The following ZCCHC7 variants were observed in gnomAD, a reference collection of about 807,000 sequenced individuals.
ZCCHC7 encodes the protein zinc finger CCHC domain-containing protein 7.
In ZCCHC7, 35 loss-of-function variants were observed where a neutral mutation model predicts 52.0. That is an observed-to-expected ratio of 0.67 (90% CI 0.51 to 0.89). ZCCHC7 has a LOEUF of 0.89. ZCCHC7 is among the 40% of genes least tolerant of loss of function. The pLI, the probability that ZCCHC7 is intolerant of heterozygous loss-of-function variation, is 0.00. For synonymous variants in ZCCHC7, 217 were observed against 221.5 expected (o/e 0.98, Z 0.18); for missense variants, 574 against 649.1 (o/e 0.88, Z 1.26).
chr9:37,217,684 C>T (rs1824583338), intron 2 of ZCCHC7, among the ~76,000 whole-genome samples: 1 of 151,942 alleles, frequency 6.6e-6, no homozygotes, highest in African/African-American at 2.4e-5. Flanking sequence ...CTAATTTTTC[C>T]CAATTATTGC....
At chr9:37,193,669 C>T (rs1330170054) in intron 2 of ZCCHC7, among the ~76,000 whole-genome samples, 1 of 151,842 alleles carries the variant, frequency 6.6e-6, no homozygotes, top group East Asian at 1.9e-4. Context: ...GTTGGATTTT[C>T]TGCTGTTTCA....
intron 5 of ZCCHC7, chr9:37,327,051 T>C (rs1830271673): frequency 6.6e-6 from 1 of 152,108 alleles, no homozygotes; most frequent in South Asian, 2.1e-4. Flanking sequence ...AGAAGATTTA[T>C]ATATGTGTTC....
chr9:37,167,835 G>A (rs1821509255), intron 2 of ZCCHC7, among the ~76,000 whole-genome samples: 1 of 152,132 alleles, frequency 6.6e-6, no homozygotes, highest in Non-Finnish European at 1.5e-5. Flanking sequence ...ATGAGATTTT[G>A]CAGTCTCACT....
intron 2 of ZCCHC7, among the ~76,000 whole-genome samples, chr9:37,137,870 G>A (rs143056871): frequency 6.6e-6 from 1 of 152,056 alleles, no homozygotes; most frequent in African/African-American, 2.4e-5. Context: ...GGCATTCATC[G>A]TCTTAATGTC....
rs1255243211 is a variant in ZCCHC7, at chr9:37,317,825, CCTCCCCCA to C, written c.952-9966_952-9959del. 2.1e-5 allele frequency among the ~76,000 whole-genome samples: 3 copies of C among 141,782 alleles called. No individual in the cohort carries two copies. The East Asian group carries it at 5.9e-4, about 28-fold the overall frequency. 93.0% of individuals were successfully genotyped at this position (141,782 alleles called of 152,430 possible). A position where few individuals can be genotyped will look rare whatever the true frequency, so the allele number is the denominator to read the frequency against. ...TTAAACACTCTTATAGATTTAACTGCCTCCCCCACTCCCCCCGACCCCCCCCAAAAAAG... is the reference window on the plus strand; with the variant it reads ...TTAAACACTCTTATAGATTTAACTGCCTCCCCCCGACCCCCCCCAAAAAAG... On this transcript the variant is annotated intron_variant, in intron 5 of 8. Coordinates refer to ENST00000336755, the MANE Select transcript of ZCCHC7 (RefSeq NM_032226.3).
At chr9:37,337,148 G>C (rs998770494) in intron 6 of ZCCHC7, among the ~76,000 whole-genome samples, 35 of 151,980 alleles carry the variant, frequency 2.3e-4, no homozygotes, top group African/African-American at 7.0e-4. Flanking sequence ...TCCTTCTTCT[G>C]TCCATATTAC....
rs536266070 is a variant in ZCCHC7, at chr9:37,224,793, A to G, written c.611-77395A>G. On this transcript the variant is annotated intron_variant, in intron 2 of 8. Coordinates refer to ENST00000336755, the MANE Select transcript of ZCCHC7 (RefSeq NM_032226.3). Reference sequence around the variant, plus strand: ...GATCCACAAATCTCCACAAAACTCAATGAACCTCTTGAGAGTCTGAGCGAA... The same window carrying G: ...GATCCACAAATCTCCACAAAACTCAGTGAACCTCTTGAGAGTCTGAGCGAA... Among the ~76,000 whole-genome samples the G allele has an allele frequency of 7.2e-5, 11 of 152,326 alleles. No individual in the cohort carries two copies. In the South Asian group the frequency reaches 1.9e-3, roughly 26 times the overall value.
At chr9:37,185,253 T>C (rs1350927245) in intron 2 of ZCCHC7, among the ~76,000 whole-genome samples, 1 of 152,194 alleles carries the variant, frequency 6.6e-6, no homozygotes, top group East Asian at 1.9e-4. Flanking sequence ...CTATAGGTGA[T>C]CACCTCCTAT....
chr9:37,167,340 T>C (rs894394509), intron 2 of ZCCHC7, among the ~76,000 whole-genome samples: 6 of 151,934 alleles, frequency 3.9e-5, no homozygotes, highest in Admixed American at 2.0e-4. Flanking sequence ...GGCCTCAGCT[T>C]CCATATGTGC....
At chr9:37,212,752 C>G (rs1460581207) in intron 2 of ZCCHC7, among the ~76,000 whole-genome samples, 1 of 152,174 alleles carries the variant, frequency 6.6e-6, no homozygotes, top group Non-Finnish European at 1.5e-5. Context: ...GCTTCCTTGA[C>G]CCCTAAACAC....
At chr9:37,146,070 G>A (rs1564140627) in intron 2 of ZCCHC7, among the ~76,000 whole-genome samples, 3 of 151,750 alleles carry the variant, frequency 2.0e-5, no homozygotes, top group Admixed American at 1.3e-4. Flanking sequence ...AAGCAAGTGC[G>A]ATTACTATTT....
At chr9:37,135,133 T>C (rs1842945507) in intron 2 of ZCCHC7, among the ~76,000 whole-genome samples, 1 of 152,248 alleles carries the variant, frequency 6.6e-6, no homozygotes, top group African/African-American at 2.4e-5. Flanking sequence ...TGTAAAGATA[T>C]TTAATATTTC....
chr9:37,177,281 G>A (rs1009451259), intron 2 of ZCCHC7, among the ~76,000 whole-genome samples: 2 of 152,154 alleles, frequency 1.3e-5, no homozygotes, highest in East Asian at 3.8e-4. Flanking sequence ...TTTGCAGTGA[G>A]CTGAGACCAC....
intron 2 of ZCCHC7, among the ~76,000 whole-genome samples, chr9:37,265,327 A>G (rs189627016): frequency 1.7e-4 from 26 of 152,114 alleles, no homozygotes; most frequent in Admixed American, 1.6e-3. Context: ...TTTACTTCCT[A>G]GGATCCTAGG....
At chr9:37,270,352 A>C (rs1827343428) in intron 2 of ZCCHC7, among the ~76,000 whole-genome samples, 1 of 152,112 alleles carries the variant, frequency 6.6e-6, no homozygotes, top group Non-Finnish European at 1.5e-5. Context: ...TTCGTGTGAA[A>C]AGACTCAGAT....
intron 2 of ZCCHC7, among the ~76,000 whole-genome samples, chr9:37,273,271 A>C (rs868681484): frequency 5.9e-5 from 9 of 152,164 alleles, no homozygotes; most frequent in African/African-American, 2.2e-4. Flanking sequence ...TGGGAGGCCG[A>C]GGTGGGCAGA....
At chr9:37,269,645 A>C (rs914282351) in intron 2 of ZCCHC7, among the ~76,000 whole-genome samples, 1 of 148,066 alleles carries the variant, frequency 6.8e-6, no homozygotes, top group Non-Finnish European at 1.5e-5. Context: ...AAAAAAAAAA[A>C]ACAAAAGAAG....
chr9:37,265,496 T>C (rs542158976), intron 2 of ZCCHC7, among the ~76,000 whole-genome samples: 25 of 152,328 alleles, frequency 1.6e-4, no homozygotes, highest in African/African-American at 5.8e-4. Context: ...GATTTTAGCT[T>C]GTTTTGATTG....
chr9:37,331,765 A>G (rs757514606), intron 6 of ZCCHC7, among the ~76,000 whole-genome samples: 2 of 151,604 alleles, frequency 1.3e-5, no homozygotes, highest in African/African-American at 2.4e-5. Flanking sequence ...ATTCCTAAAT[A>G]TCTTTCTGAG....
Sources: allele counts gnomAD v4.1 joint callset (sites outside exome capture counted in the v4.1 genomes callset), GRCh38; gene constraint gnomAD v4.1.1; transcripts MANE v1.5; gene names NCBI Gene and HGNC (gene_info 2026-07-23, HGNC 2026-07-21).